The following LYPLAL1 variants were observed in gnomAD, a reference collection of about 807,000 sequenced individuals.
LYPLAL1 encodes lysophospholipase like 1.
Under a neutral mutation model 19.7 loss-of-function variants are expected in LYPLAL1, and 23 were observed. The observed-to-expected ratio is 1.17, with a 90% CI of 0.84 to 1.65. LYPLAL1 has a LOEUF of 1.65. Ranked by LOEUF, LYPLAL1 falls within the 40% of genes most tolerant of loss-of-function variation. LYPLAL1 has a pLI of 0.00. For missense variants in LYPLAL1, 355 were observed against 279.4 expected (o/e 1.27, Z -1.93); for synonymous variants, 119 against 96.3 (o/e 1.24, Z -1.38).
chr1:219,403,509 T>A, the LYPLAL1 span, among the ~76,000 whole-genome samples: 17,410 of 152,172 alleles, frequency 0.11, 1,025 homozygotes, highest in Middle Eastern at 0.13. Flanking sequence ...AAACAATCTA[T>A]GTAAAAGACG....
At chr1:219,360,448 G>A in the LYPLAL1 span, among the ~76,000 whole-genome samples, 2 of 152,144 alleles carry the variant, frequency 1.3e-5, no homozygotes, top group Non-Finnish European at 2.9e-5. Context: ...GTAGTCATTT[G>A]ACAAAGATCT....
the LYPLAL1 span, among the ~76,000 whole-genome samples, chr1:219,419,705 G>T: frequency 6.6e-6 from 1 of 152,066 alleles, no homozygotes. Context: ...AGGCTGGGCG[G>T]TGTTCTCTCC....
chr1:219,203,216 G>A (rs1658262351), intron 3 of LYPLAL1, among the ~76,000 whole-genome samples: 1 of 151,894 alleles, frequency 6.6e-6, no homozygotes, highest in Non-Finnish European at 1.5e-5. Context: ...CTCTGTATTT[G>A]ATGTAGATAG....
the LYPLAL1 span, among the ~76,000 whole-genome samples, chr1:219,429,592 G>A: frequency 1.3e-5 from 2 of 152,172 alleles, no homozygotes; most frequent in African/African-American, 4.8e-5. Context: ...AGGAGGTTGA[G>A]GATGTGGTGA....
At chr1:219,313,352 C>T in the LYPLAL1 span, among the ~76,000 whole-genome samples, 1 of 152,138 alleles carries the variant, frequency 6.6e-6, no homozygotes, top group African/African-American at 2.4e-5. Flanking sequence ...ACAAAAGCCA[C>T]CTTTAAGGTT....
the LYPLAL1 span, among the ~76,000 whole-genome samples, chr1:219,373,105 A>C: frequency 6.6e-6 from 1 of 152,212 alleles, no homozygotes. Context: ...GCTGAAAAAA[A>C]TGAGTCATTT....
At chr1:219,360,586 G>A in the LYPLAL1 span, among the ~76,000 whole-genome samples, 1 of 152,144 alleles carries the variant, frequency 6.6e-6, no homozygotes, top group Non-Finnish European at 1.5e-5. Flanking sequence ...TAGAGTAAAT[G>A]AAAGGGCCAG....
chr1:219,342,058 A>G, the LYPLAL1 span, among the ~76,000 whole-genome samples: 1 of 152,178 alleles, frequency 6.6e-6, no homozygotes, highest in African/African-American at 2.4e-5. Context: ...AACACAGTCA[A>G]CAATCACAAC....
At chr1:219,364,883 A>T in the LYPLAL1 span, among the ~76,000 whole-genome samples, 1 of 152,116 alleles carries the variant, frequency 6.6e-6, no homozygotes, top group Non-Finnish European at 1.5e-5. Flanking sequence ...TCTTTATGAA[A>T]CCACTATGAT....
the LYPLAL1 span, among the ~76,000 whole-genome samples, chr1:219,360,355 T>C: frequency 2.6e-5 from 4 of 152,152 alleles, no homozygotes; most frequent in Non-Finnish European, 5.9e-5. Flanking sequence ...TTCTTGGAGG[T>C]TGCCATAGTT....
the LYPLAL1 span, among the ~76,000 whole-genome samples, chr1:219,350,861 G>A: frequency 6.6e-6 from 1 of 152,186 alleles, no homozygotes; most frequent in African/African-American, 2.4e-5. Context: ...GCTAAGTGGG[G>A]TGAAAGGGAT....
the LYPLAL1 span, among the ~76,000 whole-genome samples, chr1:219,283,885 C>G: frequency 1.3e-5 from 2 of 152,220 alleles, no homozygotes; most frequent in Admixed American, 1.3e-4. Context: ...TGTTCTATGC[C>G]TGGGCACTAG....
the LYPLAL1 span, among the ~76,000 whole-genome samples, chr1:219,400,559 G>A: frequency 0.25 from 37,478 of 150,944 alleles, 4,730 homozygotes; most frequent in Non-Finnish European, 0.28. Context: ...GCAGTGGAAC[G>A]ATCTCAGCTC....
chr1:219,193,067 G>GA lies in LYPLAL1; in HGVS notation c.192-15_192-14insA, dbSNP rs35359058. 4.2e-4 allele frequency: 644 copies of GA among 1,520,546 alleles called. 5 individuals carry two copies. In the African/African-American group the frequency reaches 8.1e-3, roughly 19 times the overall value. 94.2% of individuals were successfully genotyped at this position (1,520,546 alleles called of 1,614,324 possible). ...TTCCTTTCTTTTTTTTTGGGGGGGGGCGGTTGTTAAACAGATCATATACTC... is the reference window on the plus strand; with the variant it reads ...TTCCTTTCTTTTTTTTTGGGGGGGGGACGGTTGTTAAACAGATCATATACTC... On this transcript the variant is annotated splice_polypyrimidine_tract_variant and intron_variant, in intron 2 of 4. Transcript: ENST00000366928.
chr1:219,196,086 G>A (rs1263444962), intron 3 of LYPLAL1, among the ~76,000 whole-genome samples: 1 of 152,068 alleles, frequency 6.6e-6, no homozygotes, highest in Non-Finnish European at 1.5e-5. Context: ...TCATTGATGG[G>A]CGTTTGGATT....
At chr1:219,237,953 A>G in the LYPLAL1 span, among the ~76,000 whole-genome samples, 27 of 152,250 alleles carry the variant, frequency 1.8e-4, no homozygotes, top group African/African-American at 6.3e-4. Context: ...GACTGAAGCC[A>G]TGAATGAAGG....
At chr1:219,371,818 G>C in the LYPLAL1 span, among the ~76,000 whole-genome samples, 2 of 151,866 alleles carry the variant, frequency 1.3e-5, no homozygotes, top group Non-Finnish European at 2.9e-5. Flanking sequence ...TTCTGAATCA[G>C]CTGTGATTCT....
the LYPLAL1 span, among the ~76,000 whole-genome samples, chr1:219,394,197 T>C: frequency 3.3e-4 from 51 of 152,300 alleles, no homozygotes; most frequent in South Asian, 0.01. Flanking sequence ...AATAATTTTG[T>C]CTAGATAAAA....
At chr1:219,246,174 T>A in the LYPLAL1 span, among the ~76,000 whole-genome samples, 29 of 152,124 alleles carry the variant, frequency 1.9e-4, no homozygotes, top group Non-Finnish European at 3.8e-4. Context: ...AGTTATCTGA[T>A]TGGCAGATGC....
Sources: gnomAD v4.1 joint callset for allele counts (sites outside exome capture counted in the v4.1 genomes callset) on GRCh38, gnomAD v4.1.1 for gene constraint, MANE v1.5 for transcripts, NCBI Gene and HGNC (gene_info 2026-07-23, HGNC 2026-07-21) for gene names.